The following KIFAP3 variants were observed in gnomAD, a reference collection of about 807,000 sequenced individuals.
KIFAP3 encodes the protein kinesin-associated protein 3.
A neutral mutation model predicts 106.5 loss-of-function variants in KIFAP3; 68 were observed. The ratio of observed to expected loss-of-function variants is 0.64; its 90% CI spans 0.53 to 0.78. KIFAP3 has a LOEUF of 0.78. Ranked by LOEUF, KIFAP3 falls within the 30% of genes least tolerant of loss-of-function variation. The probability of loss-of-function intolerance (pLI) is 0.00; values close to 1 mark genes in which losing one functional copy is unlikely to be tolerated. For missense variants in KIFAP3, 780 were observed against 941.8 expected (o/e 0.83, Z 2.25); for synonymous variants, 320 against 311.5 (o/e 1.03, Z -0.29).
chr1:169,973,956 T>G (rs2101893775), intron 16 of KIFAP3, among the ~76,000 whole-genome samples: 1 of 151,952 alleles, frequency 6.6e-6, no homozygotes, highest in Non-Finnish European at 1.5e-5. Flanking sequence ...ATAATTAAAA[T>G]AGTGATTAAT....
In KIFAP3 at chr1:169,997,129, C is replaced by A. The variant is rs146568618; in HGVS notation, c.1184-4874G>T. On this transcript the variant is annotated intron_variant, in intron 10 of 19. Transcript: ENST00000361580. Reference sequence around the variant, plus strand: ...GCTCAGGCTCTGGAGGCAGAATGCTCGGGTTCAATCTGTGGCTCTTCCACT... The same window carrying A: ...GCTCAGGCTCTGGAGGCAGAATGCTAGGGTTCAATCTGTGGCTCTTCCACT... 5.8e-3 allele frequency among the ~76,000 whole-genome samples: 880 copies of A among 152,232 alleles called. 9 individuals carry two copies. Among genetic ancestry groups the A allele is most frequent in the South Asian group, 0.012 (57 of 4,818 alleles).
chr1:170,053,571 T>A (rs1670686244), intron 2 of KIFAP3, among the ~76,000 whole-genome samples: 1 of 151,434 alleles, frequency 6.6e-6, no homozygotes, highest in Non-Finnish European at 1.5e-5. Context: ...ACCCAAAGCA[T>A]CATGCTACCT....
intron 8 of KIFAP3, among the ~76,000 whole-genome samples, chr1:170,027,674 T>A (rs1344602341): frequency 2.0e-5 from 3 of 151,882 alleles, no homozygotes; most frequent in African/African-American, 7.3e-5. Context: ...ATGACAAAAA[T>A]GTAGAGTATC....
chr1:170,059,909 C>T (rs1671048971), intron 1 of KIFAP3, among the ~76,000 whole-genome samples: 1 of 152,122 alleles, frequency 6.6e-6, no homozygotes, highest in African/African-American at 2.4e-5. Context: ...TAACCAATGA[C>T]AAAAACCACA....
chr1:170,014,938 G>A (rs1004504097), intron 10 of KIFAP3, among the ~76,000 whole-genome samples: 2 of 152,086 alleles, frequency 1.3e-5, no homozygotes, highest in African/African-American at 4.8e-5. Context: ...TAAGAGATGA[G>A]GAAACTGAGT....
intron 19 of KIFAP3, among the ~76,000 whole-genome samples, chr1:169,927,144 T>C (rs1320363381): frequency 6.6e-6 from 1 of 152,204 alleles, no homozygotes; most frequent in Non-Finnish European, 1.5e-5. Flanking sequence ...ATTGTAATAG[T>C]GACTCTATAT....
chr1:169,993,934 T>C (rs1383467316), intron 10 of KIFAP3, among the ~76,000 whole-genome samples: 4 of 152,172 alleles, frequency 2.6e-5, no homozygotes, highest in Non-Finnish European at 4.4e-5. Flanking sequence ...CAAATTTACT[T>C]TGAACTTCCT....
intron 10 of KIFAP3, among the ~76,000 whole-genome samples, chr1:170,000,169 C>T (rs1667586677): frequency 1.3e-5 from 2 of 152,086 alleles, no homozygotes; most frequent in African/African-American, 4.8e-5. Context: ...CATGAGAACT[C>T]AAAAGCCAAA....
At chr1:170,073,895 A>G (rs905860964) in intron 1 of KIFAP3, among the ~76,000 whole-genome samples, 1 of 152,220 alleles carries the variant, frequency 6.6e-6, no homozygotes, top group African/African-American at 2.4e-5. Flanking sequence ...TGTTGTATAC[A>G]TGGGAGTCAA....
intron 10 of KIFAP3, among the ~76,000 whole-genome samples, chr1:170,002,868 A>C (rs966184016): frequency 2.0e-5 from 3 of 152,174 alleles, no homozygotes; most frequent in African/African-American, 7.2e-5. Flanking sequence ...TAAGGATGAG[A>C]AACATTCTCA....
At chr1:170,033,079 G>C (rs550230412) in intron 7 of KIFAP3, among the ~76,000 whole-genome samples, 19 of 151,846 alleles carry the variant, frequency 1.3e-4, no homozygotes, top group Non-Finnish European at 2.5e-4. Context: ...TGTGACTCCA[G>C]AACTGATGTA....
intron 17 of KIFAP3, among the ~76,000 whole-genome samples, chr1:169,971,303 C>CT (rs1004828470): frequency 1.1e-4 from 16 of 151,922 alleles, no homozygotes; most frequent in Non-Finnish European, 1.9e-4. Context: ...ATACTATATA[C>CT]TTTATATGCA....
chr1:170,017,710 T>A (rs1668597386), intron 9 of KIFAP3, among the ~76,000 whole-genome samples: 1 of 152,218 alleles, frequency 6.6e-6, no homozygotes, highest in Admixed American at 6.5e-5. Context: ...GATGCGTTCC[T>A]AGACCAGGAA....
At chr1:170,067,412 A>G (rs1490831034) in intron 1 of KIFAP3, 1 of 152,288 alleles carries the variant, frequency 6.6e-6, no homozygotes, top group African/African-American at 2.4e-5. Flanking sequence ...ACTCTGGAAG[A>G]CAGTCAAAGG....
intron 19 of KIFAP3, among the ~76,000 whole-genome samples, chr1:169,931,256 A>T (rs1558172309): frequency 6.6e-6 from 1 of 152,304 alleles, no homozygotes; most frequent in Middle Eastern, 3.4e-3. Context: ...TCAAGGAAAA[A>T]AATATAAATT....
chr1:170,063,193 A>G (rs2102151703), intron 1 of KIFAP3, among the ~76,000 whole-genome samples: 1 of 152,326 alleles, frequency 6.6e-6, no homozygotes, highest in Non-Finnish European at 1.5e-5. Context: ...GCCTTTCTAT[A>G]ATAATCTACT....
At chr1:170,046,590 G>A (rs1408077608) in intron 3 of KIFAP3, 122 bp downstream of exon 3, 2 of 752,552 alleles carry the variant, frequency 2.7e-6, no homozygotes, top group Non-Finnish European at 4.1e-6. Context: ...TAACACTGGT[G>A]AAAAAAACCT....
intron 5 of KIFAP3, among the ~76,000 whole-genome samples, chr1:170,036,190 T>C (rs1259703116): frequency 6.6e-6 from 1 of 152,080 alleles, no homozygotes; most frequent in East Asian, 1.9e-4. Flanking sequence ...TATAAAGTAA[T>C]GACACTAGTT....
At chr1:170,077,536 T>A (rs1671944605), upstream of KIFAP3, among the ~76,000 whole-genome samples, 1 of 152,230 alleles carries the variant, frequency 6.6e-6, no homozygotes, top group East Asian at 1.9e-4. Context: ...TTGTGGCAGA[T>A]TAAATACAGC....
Sources: gnomAD v4.1 joint callset for allele counts (sites outside exome capture counted in the v4.1 genomes callset) on GRCh38, gnomAD v4.1.1 for gene constraint, MANE v1.5 for transcripts, NCBI Gene and HGNC (gene_info 2026-07-23, HGNC 2026-07-21) for gene names.